Variants in FIGN observed in about 807,000 individuals in gnomAD.
FIGN encodes the protein fidgetin.
A neutral mutation model predicts 51.3 loss-of-function variants in FIGN; 11 were observed. The ratio of observed to expected loss-of-function variants is 0.21; its 90% CI spans 0.13 to 0.35. The LOEUF (loss-of-function observed/expected upper bound fraction) is 0.35, where lower values mean the gene tolerates loss of function less well. Among genes scored for constraint, FIGN ranks in the 10% least tolerant of loss-of-function variants. The pLI, the probability that FIGN is intolerant of heterozygous loss-of-function variation, is 1.00. For missense variants in FIGN, 857 were observed against 943.6 expected (o/e 0.91, Z 1.20); for synonymous variants, 407 against 363.2 (o/e 1.12, Z -1.37).
chr2:163,675,679 C>G (rs577940727), intron 2 of FIGN, among the ~76,000 whole-genome samples: 3 of 141,362 alleles, frequency 2.1e-5, no homozygotes, highest in Non-Finnish European at 4.6e-5. Flanking sequence ...AGTCCCTTTA[C>G]TTGAATGTCT....
Position 163,611,817 on chromosome 2 carries a change from T to TG in FIGN, c.26-12dup, listed in dbSNP as rs771540538. The TG allele has an allele frequency of 1.4e-5, 22 of 1,585,802 alleles. No homozygotes were observed. Among genetic ancestry groups the TG allele is most frequent in the Non-Finnish European group, 1.9e-5 (22 of 1,159,884 alleles). On this transcript the variant is annotated splice_polypyrimidine_tract_variant and intron_variant, in intron 2 of 2. Coordinates refer to ENST00000333129, the MANE Select transcript of FIGN (RefSeq NM_018086.4). ...ACTGCATCTTCAAGCCTAAGAATTT[T>TG]GGGGGGAAAAGAGTTAATTTACTTA...
intron 2 of FIGN, among the ~76,000 whole-genome samples, chr2:163,647,366 A>C: frequency 6.6e-6 from 1 of 152,208 alleles, no homozygotes; most frequent in East Asian, 1.9e-4. Context: ...GCATTAATTA[A>C]GCATATATAA....
At chr2:163,680,422 C>G (rs1684042226) in intron 2 of FIGN, among the ~76,000 whole-genome samples, 1 of 152,142 alleles carries the variant, frequency 6.6e-6, no homozygotes, top group South Asian at 2.1e-4. Context: ...CCAACTACCT[C>G]TGGACTCCTT....
rs202072418 is a variant in FIGN, at chr2:163,676,434, AATATATATATATATATATATATAT to A, written c.25+58445_25+58468del. Among the ~76,000 whole-genome samples the A allele has an allele frequency of 2.3e-3, 153 of 65,878 alleles. 1 individual carries two copies. The highest frequency in any genetic ancestry group is 6.6e-3 in the African/African-American group (134 of 20,214). The allele number at this position is 65,878 out of a possible 152,430, so 43.2% of individuals were successfully genotyped here. On this transcript the variant is annotated intron_variant, in intron 2 of 2. Coordinates refer to ENST00000333129, the MANE Select transcript of FIGN (RefSeq NM_018086.4). The stretch of plus-strand genomic sequence containing the variant: ...ATTAAAACATCTCATGGATTCCTGG[AATATATATATATATATATATATAT>A]ATATATATATATATATATATATATA...
At chr2:163,667,709 T>TC (rs1683802952) in intron 2 of FIGN, among the ~76,000 whole-genome samples, 1 of 152,152 alleles carries the variant, frequency 6.6e-6, no homozygotes. Flanking sequence ...AACTCTACAT[T>TC]CCCCTTGGGA....
At chr2:163,665,538 T>G (rs1683759639) in intron 2 of FIGN, among the ~76,000 whole-genome samples, 1 of 152,192 alleles carries the variant, frequency 6.6e-6, no homozygotes, top group Non-Finnish European at 1.5e-5. Flanking sequence ...AATGTTTCCT[T>G]CAAAACACAG....
At chr2:163,652,586 T>C (rs1239077360) in intron 2 of FIGN, among the ~76,000 whole-genome samples, 1 of 152,216 alleles carries the variant, frequency 6.6e-6, no homozygotes, top group South Asian at 2.1e-4. Flanking sequence ...ATTTATACAG[T>C]CTAAATTTTT....
At chr2:163,711,116 C>T (rs1684581929) in intron 2 of FIGN, among the ~76,000 whole-genome samples, 1 of 152,144 alleles carries the variant, frequency 6.6e-6, no homozygotes, top group Admixed American at 6.5e-5. Flanking sequence ...AAGGCATTCC[C>T]TGTATTAGAA....
At chr2:163,625,881 A>T (rs1559000349) in intron 2 of FIGN, among the ~76,000 whole-genome samples, 1 of 152,128 alleles carries the variant, frequency 6.6e-6, no homozygotes, top group Non-Finnish European at 1.5e-5. Flanking sequence ...GACTCTGGTC[A>T]TTCTGAAATG....
At position 163,606,128 on chromosome 2, in the gene FIGN, AACTG is replaced by A. The variant is rs1486491428; in HGVS notation, c.*3420_*3423del. The A allele has an allele frequency of 6.6e-6, 1 of 152,108 alleles. No homozygotes were observed. Among genetic ancestry groups the A allele is most frequent in the Non-Finnish European group, 1.5e-5 (1 of 68,014 alleles). The allele number at this position is 152,108 out of a possible 1,614,324, so 9.4% of individuals were successfully genotyped here. On this transcript the variant is annotated 3_prime_UTR_variant, in exon 3 of 3. Transcript: ENST00000333129. ...TCTATCTGCATTTGAGTAGAATACA[AACTG>A]ACTAATAGATAAACATTCTGTGTGA...
chr2:163,612,261 TCA>T, intron 2 of FIGN: 3 of 946,586 alleles, frequency 3.2e-6, no homozygotes, highest in Non-Finnish European at 3.8e-6. Context: ...TCTGTTCACA[TCA>T]CAGTTTGTTT....
In FIGN at chr2:163,611,361, G is replaced by A. The variant is rs1407276029; in HGVS notation, c.471C>T (p.Asn157=). 1.1e-5 allele frequency: 17 copies of A among 1,614,136 alleles called. No homozygotes were observed. Among genetic ancestry groups the A allele is most frequent in the Non-Finnish European group, 1.4e-5 (16 of 1,180,020 alleles). ...TACTTGAATAACTAGGTTCTGTCAG[G>A]TTGCTGGCTACCCCAGGAGAGCTTC... ...SIGSSPGVAS[N]LTEPSYSSST... Residue 157 remains asparagine, a synonymous_variant, in exon 3 of 3, where the codon AAC becomes AAT. Transcript: ENST00000333129.
Position 163,604,346 on chromosome 2 carries a change from T to C in FIGN, c.*5206A>G, listed in dbSNP as rs1036903597. On this transcript the variant is annotated 3_prime_UTR_variant, in exon 3 of 3. Coordinates refer to ENST00000333129, the MANE Select transcript of FIGN (RefSeq NM_018086.4). Reference sequence around the variant, plus strand: ...TAGGAATAAAGCTCTATTCTGTATATAATGTCCCAAATGGGACCTCGATGA... The same window carrying C: ...TAGGAATAAAGCTCTATTCTGTATACAATGTCCCAAATGGGACCTCGATGA... 2.4e-4 allele frequency: 37 copies of C among 152,190 alleles called. No individual in the cohort carries two copies. Among genetic ancestry groups the C allele is most frequent in the African/African-American group, 8.7e-4 (36 of 41,562 alleles). The allele number at this position is 152,190 out of a possible 1,614,324, so 9.4% of individuals were successfully genotyped here.
At chr2:163,687,350 C>T (rs1330662589) in intron 2 of FIGN, among the ~76,000 whole-genome samples, 1 of 152,188 alleles carries the variant, frequency 6.6e-6, no homozygotes, top group Non-Finnish European at 1.5e-5. Flanking sequence ...GAAAGCTCAA[C>T]CACTAGGCTT....
intron 2 of FIGN, chr2:163,612,718 G>A: frequency 3.1e-6 from 1 of 321,408 alleles, no homozygotes; most frequent in Non-Finnish European, 4.5e-6. Flanking sequence ...GTGTGTGTGT[G>A]TATTTATACA....
intron 2 of FIGN, among the ~76,000 whole-genome samples, chr2:163,630,383 C>T (rs181191378): frequency 2.1e-4 from 32 of 152,220 alleles, no homozygotes; most frequent in Non-Finnish European, 3.4e-4. Context: ...TCAGTTAGCA[C>T]TTCTGTCTTC....
At chr2:163,658,373 CTCTCTCTCTCT>C (rs1683596675) in intron 2 of FIGN, among the ~76,000 whole-genome samples, 1 of 15,770 alleles carries the variant, frequency 6.3e-5, no homozygotes, top group South Asian at 3.1e-3. Flanking sequence ...AGCTCTCTCT[CTCTCTCTCTCT>C]CTCTCTCTCT....
intron 2 of FIGN, among the ~76,000 whole-genome samples, chr2:163,672,643 A>G (rs1159369254): frequency 2.4e-4 from 37 of 152,184 alleles, no homozygotes; most frequent in Non-Finnish European, 1.6e-4. Context: ...TGCCGATTCC[A>G]TGCTTCAATT....
chr2:163,695,873 C>A (rs1461984779), intron 2 of FIGN, among the ~76,000 whole-genome samples: 2 of 152,132 alleles, frequency 1.3e-5, no homozygotes, highest in Non-Finnish European at 2.9e-5. Context: ...TTTGGGAGGC[C>A]AAGGTGGGTG....
Sources: allele counts gnomAD v4.1 joint callset (sites outside exome capture counted in the v4.1 genomes callset), GRCh38; gene constraint gnomAD v4.1.1; transcripts MANE v1.5; gene names NCBI Gene and HGNC (gene_info 2026-07-23, HGNC 2026-07-21).